The following PAH variants were observed in gnomAD, a reference collection of about 807,000 sequenced individuals.
PAH encodes phenylalanine hydroxylase.
A neutral mutation model predicts 62.0 loss-of-function variants in PAH; 64 were observed. The ratio of observed to expected loss-of-function variants is 1.03; its 90% CI spans 0.84 to 1.27. The LOEUF is 1.27. Among genes scored for constraint, PAH ranks in the 50% most tolerant of loss-of-function variants. The pLI, the probability that PAH is intolerant of heterozygous loss-of-function variation, is 0.00. For synonymous variants in PAH, 195 were observed against 196.2 expected (o/e 0.99, Z 0.05); for missense variants, 579 against 542.8 (o/e 1.07, Z -0.66).
chr12:102,947,494 G>A (rs1444801500), intron 1 of PAH, among the ~76,000 whole-genome samples: 1 of 152,190 alleles, frequency 6.6e-6, no homozygotes, highest in East Asian at 1.9e-4. Flanking sequence ...ATCAGCAGAA[G>A]AGGTGGAAGC....
chr12:102,863,236 A>G (rs1057151029), intron 5 of PAH, among the ~76,000 whole-genome samples: 4 of 152,208 alleles, frequency 2.6e-5, no homozygotes, highest in Non-Finnish European at 5.9e-5. Flanking sequence ...CAATTGGATA[A>G]TTGATCATTA....
At chr12:102,858,775 T>C (rs1009103775) in intron 5 of PAH, among the ~76,000 whole-genome samples, 6 of 152,100 alleles carry the variant, frequency 3.9e-5, no homozygotes, top group Non-Finnish European at 2.9e-5. Flanking sequence ...TTGAAACCAA[T>C]GAGAACAAAG....
Position 102,864,887 on chromosome 12 carries a change from C to T in PAH, c.509+1709G>A, listed in dbSNP as rs374561222. Reference sequence around the variant, plus strand: ...AAGAAGAAAGACATGGTAAAAAGAGCACCGAAAGCTTAAATGAGATGAGAT... The same window carrying T: ...AAGAAGAAAGACATGGTAAAAAGAGTACCGAAAGCTTAAATGAGATGAGAT... On this transcript the variant is annotated intron_variant, in intron 5 of 12. Coordinates refer to ENST00000553106, the MANE Select transcript of PAH (RefSeq NM_000277.3). 4.8e-4 allele frequency among the ~76,000 whole-genome samples: 72 copies of T among 150,936 alleles called. No individual in the cohort carries two copies. In the South Asian group the frequency reaches 4.8e-3, roughly 10 times the overall value.
At chr12:102,955,509 C>G (rs1776794161), upstream of PAH, among the ~76,000 whole-genome samples, 1 of 152,194 alleles carries the variant, frequency 6.6e-6, no homozygotes, top group South Asian at 2.1e-4. Flanking sequence ...GAAAACACAT[C>G]TAGATGCTTC....
chr12:102,884,326 C>T (rs1876941565), intron 3 of PAH, among the ~76,000 whole-genome samples: 1 of 152,172 alleles, frequency 6.6e-6, no homozygotes, highest in Non-Finnish European at 1.5e-5. Context: ...TCCCAGCTTG[C>T]AGAGTTGTGA....
intron 5 of PAH, among the ~76,000 whole-genome samples, chr12:102,857,355 C>G (rs1449540983): frequency 6.6e-6 from 1 of 152,152 alleles, no homozygotes; most frequent in Non-Finnish European, 1.5e-5. Context: ...GATCGGTGTA[C>G]CTGAAAGTGA....
intron 2 of PAH, among the ~76,000 whole-genome samples, chr12:102,912,162 A>G (rs924152462): frequency 5.3e-5 from 8 of 152,232 alleles, no homozygotes; most frequent in African/African-American, 1.9e-4. Flanking sequence ...ATAGACTCTA[A>G]AAGTCCTATA....
In PAH at chr12:102,855,207, A is replaced by G. The variant is rs62517198; in HGVS notation, c.635T>C (p.Leu212Pro). 4 of 1,614,178 alleles carry G rather than the reference A, an allele frequency of 2.5e-6. No homozygotes were observed. Among genetic ancestry groups the G allele is most frequent in the Non-Finnish European group, 3.4e-6 (4 of 1,180,014 alleles). Residue 212 changes from leucine (L) to proline (P), a missense_variant, in exon 6 of 13, where the codon CTT becomes CCT. Leu to Pro is a moderately conservative substitution (Grantham distance 98). Coordinates refer to ENST00000553106, the MANE Select transcript of PAH (RefSeq NM_000277.3). Reference sequence around the variant, plus strand: ...ATGGAAGCCACAGTACTTTTCAAGAAGTGGAAAAATGTGATTGTACTCATA... The same window carrying G: ...ATGGAAGCCACAGTACTTTTCAAGAGGTGGAAAAATGTGATTGTACTCATA... ...ACYEYNHIFP[L>P]LEKYCGFHED...
chr12:102,955,513 A>T (rs1412519850), upstream of PAH, among the ~76,000 whole-genome samples: 3 of 152,136 alleles, frequency 2.0e-5, no homozygotes, highest in South Asian at 4.1e-4. Flanking sequence ...ACACATCTAG[A>T]TGCTTCCACA....
At chr12:102,840,342 A>C in intron 12 of PAH, 58 bp downstream of exon 12, 1 of 1,018,112 alleles carries the variant, frequency 9.8e-7, no homozygotes, top group South Asian at 1.3e-5. Flanking sequence ...GATGGTAGGG[A>C]AAGACAGTCT....
chr12:102,934,284 G>A (rs1879018871), intron 1 of PAH, among the ~76,000 whole-genome samples: 1 of 152,038 alleles, frequency 6.6e-6, no homozygotes, highest in Admixed American at 6.5e-5. Context: ...ATTGCTCTGT[G>A]TGTCTGTGTT....
upstream of PAH, among the ~76,000 whole-genome samples, chr12:102,952,169 G>A (rs762709057): frequency 2.0e-5 from 3 of 152,158 alleles, no homozygotes; most frequent in Non-Finnish European, 2.9e-5. Context: ...AGAGCCCTTC[G>A]ATTGTGAAGG....
At chr12:102,909,934 G>C (rs1176721407) in intron 2 of PAH, among the ~76,000 whole-genome samples, 1 of 152,204 alleles carries the variant, frequency 6.6e-6, no homozygotes, top group African/African-American at 2.4e-5. Context: ...ACTCCAGCCT[G>C]TGTGACAGAG....
intron 12 of PAH, 120 bp from the exon 13 acceptor site, chr12:102,839,338 C>A: frequency 1.1e-6 from 1 of 920,132 alleles, no homozygotes; most frequent in African/African-American, 1.6e-5. Flanking sequence ...GGTGCCACCC[C>A]AACTTTCAAG....
chr12:102,958,389 A>AGT, upstream of PAH: 1 of 1,431,596 alleles, frequency 7.0e-7, no homozygotes, highest in South Asian at 1.4e-5. Flanking sequence ...GGCAGCGCAG[A>AGT]GCGCGCAGCA....
intron 1 of PAH, among the ~76,000 whole-genome samples, chr12:102,935,644 T>C (rs1879074244): frequency 6.6e-6 from 1 of 152,128 alleles, no homozygotes; most frequent in Admixed American, 6.5e-5. Flanking sequence ...TCTAGGAATG[T>C]ATCCATTTCT....
upstream of PAH, among the ~76,000 whole-genome samples, chr12:102,951,060 G>GC (rs201594398): frequency 8.8e-3 from 577 of 65,288 alleles, 2 homozygotes; most frequent in African/African-American, 0.065. Flanking sequence ...TTTGTGCGTG[G>GC]GGGGGGAAGC....
chr12:102,919,405 G>A (rs1476655498), upstream of PAH, among the ~76,000 whole-genome samples: 3 of 151,988 alleles, frequency 2.0e-5, no homozygotes, highest in African/African-American at 7.3e-5. Flanking sequence ...TTGAAAATGG[G>A]GCATCCATCC....
intron 11 of PAH, 66 bp from the exon 12 acceptor site, chr12:102,840,581 C>T (rs1874553330): frequency 9.1e-7 from 1 of 1,101,424 alleles, no homozygotes; most frequent in Non-Finnish European, 1.4e-6. Context: ...TAAGAGAGTT[C>T]TCAGTGGCAT....
Sources: allele counts gnomAD v4.1 joint callset (sites outside exome capture counted in the v4.1 genomes callset), GRCh38; gene constraint gnomAD v4.1.1; transcripts MANE v1.5; gene names NCBI Gene and HGNC (gene_info 2026-07-23, HGNC 2026-07-21).